The following OSBPL8 variants were observed in gnomAD, a reference collection of about 807,000 sequenced individuals.
OSBPL8 encodes the protein oxysterol-binding protein-related protein 8.
OSBPL8 carries 59 observed loss-of-function variants against 125.5 expected under a neutral mutation model. The ratio of observed to expected loss-of-function variants is 0.47; its 90% CI spans 0.38 to 0.58. The LOEUF (loss-of-function observed/expected upper bound fraction) is 0.58. Ranked by LOEUF, OSBPL8 falls within the 20% of genes least tolerant of loss-of-function variation. The probability of loss-of-function intolerance (pLI) is 0.00; values close to 1 mark genes in which losing one functional copy is unlikely to be tolerated. For missense variants in OSBPL8, 758 were observed against 1,047.8 expected, an observed-to-expected ratio of 0.72 and a Z score of 3.82; for synonymous variants, 330 against 338.9, an observed-to-expected ratio of 0.97 and a Z score of 0.29.
At chr12:76,357,440 C>T (rs1192319572) in intron 22 of OSBPL8, among the ~76,000 whole-genome samples, 1 of 152,146 alleles carries the variant, frequency 6.6e-6, no homozygotes, top group Non-Finnish European at 1.5e-5. Context: ...ATATAACATA[C>T]ATATACCTAC....
intron 1 of OSBPL8, among the ~76,000 whole-genome samples, chr12:76,534,471 T>C (rs917464216): frequency 2.6e-5 from 4 of 152,174 alleles, no homozygotes; most frequent in African/African-American, 7.2e-5. Flanking sequence ...AGTTGCTTAC[T>C]ACCAATAACG....
intron 3 of OSBPL8, among the ~76,000 whole-genome samples, chr12:76,453,760 C>T (rs1196360037): frequency 1.3e-5 from 2 of 151,788 alleles, no homozygotes; most frequent in African/African-American, 4.8e-5. Context: ...GTATCATAAA[C>T]TGAAAAGGCA....
At chr12:76,464,809 T>G (rs58636077) in intron 2 of OSBPL8, among the ~76,000 whole-genome samples, 56 of 152,332 alleles carry the variant, frequency 3.7e-4, no homozygotes, top group Middle Eastern at 3.4e-3. Context: ...GATGTAGCTG[T>G]TGGCACCTTT....
At chr12:76,548,673 A>G (rs1430941594) in intron 1 of OSBPL8, among the ~76,000 whole-genome samples, 2 of 152,106 alleles carry the variant, frequency 1.3e-5, no homozygotes, top group Non-Finnish European at 2.9e-5. Flanking sequence ...CTTTTACCCT[A>G]AAACAATCTG....
chr12:76,493,444 T>C (rs1202768708), intron 1 of OSBPL8, among the ~76,000 whole-genome samples: 9 of 152,208 alleles, frequency 5.9e-5, no homozygotes, highest in Non-Finnish European at 1.0e-4. Context: ...TTTTCTTTTC[T>C]GGGAAAGTCT....
chr12:76,423,690 C>G (rs1869789881), intron 4 of OSBPL8, among the ~76,000 whole-genome samples: 1 of 152,082 alleles, frequency 6.6e-6, no homozygotes. Flanking sequence ...AATCCATATA[C>G]CTTACCCTAC....
chr12:76,550,693 T>C (rs1253184673), intron 1 of OSBPL8, among the ~76,000 whole-genome samples: 2 of 152,178 alleles, frequency 1.3e-5, no homozygotes, highest in East Asian at 1.9e-4. Flanking sequence ...CAGCCAGGGA[T>C]TGGACAAGCT....
chr12:76,439,942 C>A (rs922677613), intron 4 of OSBPL8, among the ~76,000 whole-genome samples: 1 of 152,012 alleles, frequency 6.6e-6, no homozygotes, highest in Non-Finnish European at 1.5e-5. Context: ...CCGTGTCTTG[C>A]CTTCTATTTA....
intron 18 of OSBPL8, 123 bp from the exon 19 acceptor site, chr12:76,371,707 C>A: frequency 1.1e-6 from 1 of 889,884 alleles, no homozygotes; most frequent in Non-Finnish European, 1.5e-6. Flanking sequence ...ATTTTTAAAA[C>A]AAATATAACT....
At chr12:76,407,268 T>C (rs1403291865) in intron 5 of OSBPL8, among the ~76,000 whole-genome samples, 1 of 152,218 alleles carries the variant, frequency 6.6e-6, no homozygotes, top group Non-Finnish European at 1.5e-5. Context: ...ATTTATATAT[T>C]TGAGACAAGG....
At chr12:76,422,893 T>A (rs2136508426) in intron 4 of OSBPL8, 1 of 214,296 alleles carries the variant, frequency 4.7e-6, no homozygotes, top group Non-Finnish European at 9.8e-6. Context: ...AAGGAACTGA[T>A]AAACATGAAA....
intron 1 of OSBPL8, among the ~76,000 whole-genome samples, chr12:76,518,769 G>A (rs1881794667): frequency 6.6e-6 from 1 of 152,162 alleles, no homozygotes; most frequent in Admixed American, 6.5e-5. Flanking sequence ...GCTGTACCTG[G>A]GCCCCTTTGA....
At chr12:76,524,669 C>A (rs1950116914) in intron 1 of OSBPL8, among the ~76,000 whole-genome samples, 1 of 150,792 alleles carries the variant, frequency 6.6e-6, no homozygotes, top group African/African-American at 2.4e-5. Context: ...CATATCAAGA[C>A]TAGAGATCTA....
chr12:76,471,489 C>A (rs187423428), intron 2 of OSBPL8, among the ~76,000 whole-genome samples: 1 of 152,160 alleles, frequency 6.6e-6, no homozygotes, highest in African/African-American at 2.4e-5. Flanking sequence ...TAAAGCTCTA[C>A]GTAGTCTCTC....
intron 2 of OSBPL8, among the ~76,000 whole-genome samples, chr12:76,471,008 A>G (rs577605312): frequency 6.6e-6 from 1 of 152,348 alleles, no homozygotes; most frequent in East Asian, 1.9e-4. Flanking sequence ...AAGATGCTTA[A>G]AAGTCTAGGT....
intron 1 of OSBPL8, among the ~76,000 whole-genome samples, chr12:76,551,786 T>C (rs1950945541): frequency 1.3e-5 from 2 of 152,192 alleles, no homozygotes; most frequent in Non-Finnish European, 2.9e-5. Context: ...ACGGATATTA[T>C]TACAGTCTCG....
chr12:76,414,313 T>G (rs948407749), intron 4 of OSBPL8, among the ~76,000 whole-genome samples: 1 of 152,062 alleles, frequency 6.6e-6, no homozygotes, highest in Non-Finnish European at 1.5e-5. Flanking sequence ...CTGTCAATAT[T>G]TAACCATTAA....
intron 8 of OSBPL8, among the ~76,000 whole-genome samples, chr12:76,395,106 T>C (rs1010314273): frequency 2.6e-5 from 4 of 152,066 alleles, no homozygotes; most frequent in African/African-American, 9.7e-5. Context: ...CATGTGGAAA[T>C]AGAATTATAA....
intron 3 of OSBPL8, among the ~76,000 whole-genome samples, chr12:76,456,565 T>C (rs34164929): frequency 0.2 from 30,970 of 151,814 alleles, 3,407 homozygotes; most frequent in Non-Finnish European, 0.26. Context: ...CAGCCCAGGT[T>C]GTGTCCTTGC....
Sources: allele counts gnomAD v4.1 joint callset (sites outside exome capture counted in the v4.1 genomes callset), GRCh38; gene constraint gnomAD v4.1.1; transcripts MANE v1.5; gene names NCBI Gene and HGNC (gene_info 2026-07-23, HGNC 2026-07-21).